PAGE2B: variants seen among roughly 807,000 people sequenced by gnomAD.
PAGE2B encodes the protein putative G antigen family E member 3.
A neutral mutation model predicts 7.6 loss-of-function variants in PAGE2B; 5 were observed. The observed-to-expected ratio is 0.66, with a 90% CI of 0.34 to 1.38. The LOEUF (loss-of-function observed/expected upper bound fraction) is 1.38, where lower values mean the gene tolerates loss of function less well. PAGE2B is among the 40% of genes most tolerant of loss of function. PAGE2B has a pLI of 0.04. For synonymous variants in PAGE2B, 29 were observed against 26.7 expected (o/e 1.09, Z -0.27); for missense variants, 70 against 78.4 (o/e 0.89, Z 0.41).
chrX:55,040,432 T>C, the PAGE2B span, among the ~76,000 whole-genome samples: 297 of 111,073 alleles, frequency 2.7e-3, no homozygotes, highest in Middle Eastern at 9.1e-3. Context: ...AGAATGATGG[T>C]TTCCAGCTTC....
chrX:55,065,628 A>T, the PAGE2B span, among the ~76,000 whole-genome samples: 1 of 110,578 alleles, frequency 9.0e-6, no homozygotes, highest in Non-Finnish European at 1.9e-5. Flanking sequence ...CTTCTTTTGT[A>T]CCTTCCTGTT....
At chrX:55,067,467 G>A in the PAGE2B span, among the ~76,000 whole-genome samples, 2 of 111,510 alleles carry the variant, frequency 1.8e-5, no homozygotes, top group African/African-American at 6.5e-5. Context: ...TGGGAATTTG[G>A]GCTAGTTCCA....
the PAGE2B span, among the ~76,000 whole-genome samples, chrX:55,034,009 C>G: frequency 8.9e-6 from 1 of 111,838 alleles, no homozygotes; most frequent in East Asian, 2.8e-4. Flanking sequence ...AGATTTTTTC[C>G]TACATTTTAT....
At chrX:55,031,545 G>A in the PAGE2B span, among the ~76,000 whole-genome samples, 1 of 111,941 alleles carries the variant, frequency 8.9e-6, no homozygotes, top group African/African-American at 3.2e-5. Context: ...AATTAATTTA[G>A]CCACATAAGG....
chrX:55,043,217 C>A, the PAGE2B span, among the ~76,000 whole-genome samples: 1 of 111,914 alleles, frequency 8.9e-6, no homozygotes, highest in Non-Finnish European at 1.9e-5. Context: ...AAATCTAAGA[C>A]CTGAAACCAT....
At chrX:55,031,808 T>C in the PAGE2B span, among the ~76,000 whole-genome samples, 2 of 111,531 alleles carry the variant, frequency 1.8e-5, no homozygotes, top group African/African-American at 6.5e-5. Flanking sequence ...TGTCACTCTC[T>C]TTTTCCCCTT....
At chrX:55,056,401 G>C in the PAGE2B span, among the ~76,000 whole-genome samples, 2 of 110,936 alleles carry the variant, frequency 1.8e-5, no homozygotes, top group Non-Finnish European at 3.8e-5. Context: ...CTTGAACTTC[G>C]TAGCAACCAA....
the PAGE2B span, among the ~76,000 whole-genome samples, chrX:55,038,283 T>C: frequency 9.0e-6 from 1 of 111,570 alleles, no homozygotes; most frequent in East Asian, 2.8e-4. Context: ...GATATTTACT[T>C]TATGCCTAAA....
In PAGE2B at chrX:55,077,346, T is replaced by C. The variant is rs1965320; in HGVS notation, c.194-53T>C. 5.0e-4 allele frequency: 588 copies of C among 1,186,500 alleles called. 4 individuals are homozygous for C. Among genetic ancestry groups the C allele is most frequent in the South Asian group, 2.1e-3 (114 of 53,924 alleles). Reference sequence around the variant, plus strand: ...GAGGGAATAAATATTATCATTTCCTTGTTCATAGTTCATGTTTTAATTTGT... The same window carrying C: ...GAGGGAATAAATATTATCATTTCCTCGTTCATAGTTCATGTTTTAATTTGT... On this transcript the variant is annotated intron_variant, in intron 3 of 4. Coordinates refer to ENST00000374971, the MANE Select transcript of PAGE2B (RefSeq NM_001015038.3).
the PAGE2B span, among the ~76,000 whole-genome samples, chrX:55,052,685 C>T: frequency 8.9e-6 from 1 of 112,801 alleles, no homozygotes; most frequent in Non-Finnish European, 1.9e-5. Flanking sequence ...GGGAGTGACC[C>T]GATTTTCCAG....
chrX:55,051,330 T>A, the PAGE2B span, among the ~76,000 whole-genome samples: 1 of 111,117 alleles, frequency 9.0e-6, no homozygotes, highest in Admixed American at 9.6e-5. Flanking sequence ...GCATTCTCTG[T>A]ATTTCCTGAA....
the PAGE2B span, chrX:55,055,821 T>G: frequency 3.5e-4 from 40 of 112,799 alleles, no homozygotes; most frequent in African/African-American, 1.2e-3. Context: ...ATTAAATCCT[T>G]TCTATTTGTT....
chrX:55,034,410 T>C, the PAGE2B span, among the ~76,000 whole-genome samples: 4 of 111,752 alleles, frequency 3.6e-5, no homozygotes, highest in African/African-American at 9.7e-5. Flanking sequence ...AATTTGTTTA[T>C]ACGTTTTTTA....
At chrX:55,033,215 G>T in the PAGE2B span, among the ~76,000 whole-genome samples, 5 of 111,877 alleles carry the variant, frequency 4.5e-5, no homozygotes, top group Non-Finnish European at 9.4e-5. Context: ...ACCCAGAAAA[G>T]GAACTGGAAG....
At chrX:55,074,771 C>A (rs766537699), upstream of PAGE2B, among the ~76,000 whole-genome samples, 1 of 112,276 alleles carries the variant, frequency 8.9e-6, no homozygotes, top group Non-Finnish European at 1.9e-5. Flanking sequence ...ATTAGAGTAA[C>A]CTGGGGCTCA....
the PAGE2B span, among the ~76,000 whole-genome samples, chrX:55,066,417 C>T: frequency 8.9e-6 from 1 of 112,246 alleles, no homozygotes; most frequent in Non-Finnish European, 1.9e-5. Context: ...TGCTGATTAA[C>T]ATCCTTTTCT....
chrX:55,062,448 T>A, the PAGE2B span, among the ~76,000 whole-genome samples: 1 of 112,002 alleles, frequency 8.9e-6, no homozygotes, highest in Non-Finnish European at 1.9e-5. Flanking sequence ...ATGAGACGAT[T>A]AGATTTATTT....
At chrX:55,033,769 C>T in the PAGE2B span, among the ~76,000 whole-genome samples, 1 of 112,242 alleles carries the variant, frequency 8.9e-6, no homozygotes, top group African/African-American at 3.2e-5. Context: ...TTTTACTTTG[C>T]AGTTGCACTG....
the PAGE2B span, among the ~76,000 whole-genome samples, chrX:55,028,501 G>A: frequency 9.0e-6 from 1 of 111,425 alleles, no homozygotes; most frequent in Non-Finnish European, 1.9e-5. Context: ...TCCTGCCTTG[G>A]GATGGTGGAG....
Sources: allele counts gnomAD v4.1 joint callset (sites outside exome capture counted in the v4.1 genomes callset), GRCh38; gene constraint gnomAD v4.1.1; transcripts MANE v1.5; gene names NCBI Gene and HGNC (gene_info 2026-07-23, HGNC 2026-07-21).